CHD9NB: variants seen among roughly 807,000 people sequenced by gnomAD.
The protein encoded by CHD9NB is CHD9 neighbor.
At chr16:53,052,500 ACT>A in the CHD9NB span, among the ~76,000 whole-genome samples, 2 of 152,172 alleles carry the variant, frequency 1.3e-5, no homozygotes, top group Admixed American at 6.5e-5. Flanking sequence ...TCTGTTGATA[ACT>A]CTGCAGTTTC....
At chr16:53,039,909 A>G in the CHD9NB span, among the ~76,000 whole-genome samples, 1 of 152,112 alleles carries the variant, frequency 6.6e-6, no homozygotes, top group Non-Finnish European at 1.5e-5. Flanking sequence ...AGGGTTCCCC[A>G]TGAGGAAAAA....
At chr16:53,051,166 T>C in the CHD9NB span, among the ~76,000 whole-genome samples, 1 of 151,936 alleles carries the variant, frequency 6.6e-6, no homozygotes, top group Admixed American at 6.6e-5. Context: ...GGATTATAGG[T>C]GTGAGCCACT....
At chr16:53,050,226 G>A in the CHD9NB span, among the ~76,000 whole-genome samples, 1 of 152,016 alleles carries the variant, frequency 6.6e-6, no homozygotes, top group African/African-American at 2.4e-5. Flanking sequence ...TGCTTCCTGG[G>A]CTGTGCATGG....
At chr16:53,039,347 C>T in the CHD9NB span, among the ~76,000 whole-genome samples, 36 of 152,300 alleles carry the variant, frequency 2.4e-4, no homozygotes, top group South Asian at 7.3e-3. Context: ...TGGCTTCATT[C>T]TCAAGCAGTC....
the CHD9NB span, among the ~76,000 whole-genome samples, chr16:53,045,997 A>G: frequency 6.6e-6 from 1 of 152,132 alleles, no homozygotes; most frequent in Non-Finnish European, 1.5e-5. Context: ...AAACTCCCCT[A>G]TAAATCAGCT....
At chr16:53,040,074 C>CT in the CHD9NB span, among the ~76,000 whole-genome samples, 1,206 of 151,174 alleles carry the variant, frequency 8.0e-3, 13 homozygotes, top group Middle Eastern at 0.014. Flanking sequence ...GATTTGATCC[C>CT]TTTTTTTTTG....
At chr16:53,045,506 G>C in the CHD9NB span, among the ~76,000 whole-genome samples, 2 of 152,148 alleles carry the variant, frequency 1.3e-5, no homozygotes, top group African/African-American at 4.8e-5. Flanking sequence ...TGATCACCTA[G>C]CATTCCTTTT....
At chr16:53,045,583 G>A in the CHD9NB span, among the ~76,000 whole-genome samples, 1 of 152,144 alleles carries the variant, frequency 6.6e-6, no homozygotes, top group Non-Finnish European at 1.5e-5. Flanking sequence ...GGGTCACGCA[G>A]GACTGTGAAG....
At chr16:53,052,126 C>T in the CHD9NB span, among the ~76,000 whole-genome samples, 1 of 151,120 alleles carries the variant, frequency 6.6e-6, no homozygotes, top group African/African-American at 2.4e-5. Context: ...TGTCTATAAT[C>T]CCAGCTACTT....
At chr16:53,039,636 T>C in the CHD9NB span, among the ~76,000 whole-genome samples, 16 of 151,978 alleles carry the variant, frequency 1.1e-4, no homozygotes, top group Admixed American at 6.5e-4. Context: ...TTCCAGCTAC[T>C]TGGGAGGCTG....
the CHD9NB span, among the ~76,000 whole-genome samples, chr16:53,048,715 C>T: frequency 6.6e-6 from 1 of 152,176 alleles, no homozygotes; most frequent in African/African-American, 2.4e-5. Context: ...CCTGAGCCTA[C>T]AGGCCAAGAG....
the CHD9NB span, among the ~76,000 whole-genome samples, chr16:53,048,736 C>T: frequency 6.6e-6 from 1 of 152,184 alleles, no homozygotes; most frequent in African/African-American, 2.4e-5. Context: ...GGCTTGTGTG[C>T]ACAGGGTCAC....
At chr16:53,044,025 T>C in the CHD9NB span, 4 of 398,834 alleles carry the variant, frequency 1.0e-5, no homozygotes, top group Non-Finnish European at 1.8e-5. Flanking sequence ...AGGGGTTCCA[T>C]CCTTCAGCGG....
chr16:53,041,790 A>G, the CHD9NB span, among the ~76,000 whole-genome samples: 1 of 151,996 alleles, frequency 6.6e-6, no homozygotes, highest in South Asian at 2.1e-4. Context: ...TAAAAAAAAA[A>G]AAAATTGAAA....
chr16:53,036,543 T>C, the CHD9NB span, among the ~76,000 whole-genome samples: 1 of 152,174 alleles, frequency 6.6e-6, no homozygotes, highest in Non-Finnish European at 1.5e-5. Context: ...CCTTATCTAC[T>C]GTACCTGAGG....
At chr16:53,050,990 C>T in the CHD9NB span, among the ~76,000 whole-genome samples, 1 of 152,032 alleles carries the variant, frequency 6.6e-6, no homozygotes, top group African/African-American at 2.4e-5. Context: ...CGGGTTCACG[C>T]CATTCTCCTG....
chr16:53,041,120 G>A, the CHD9NB span, among the ~76,000 whole-genome samples: 5 of 152,182 alleles, frequency 3.3e-5, no homozygotes, highest in African/African-American at 1.2e-4. Flanking sequence ...ATGGATAGAT[G>A]GCTGGATGAA....
chr16:53,035,793 C>T, the CHD9NB span: 69,215 of 151,714 alleles, frequency 0.46, 16,321 homozygotes, highest in Non-Finnish European at 0.48. Context: ...TGAGACCCCA[C>T]CTCCCAAAAA....
chr16:53,050,530 T>C, the CHD9NB span, among the ~76,000 whole-genome samples: 1 of 152,036 alleles, frequency 6.6e-6, no homozygotes, highest in African/African-American at 2.4e-5. Flanking sequence ...ATAAAATAAT[T>C]GCTTCCTGGG....
Sources: allele counts gnomAD v4.1 joint callset (sites outside exome capture counted in the v4.1 genomes callset), GRCh38; gene constraint gnomAD v4.1.1; transcripts MANE v1.5; gene names NCBI Gene and HGNC (gene_info 2026-07-23, HGNC 2026-07-21).